Variants in LAMA3 observed in about 807,000 individuals in gnomAD.
LAMA3 encodes laminin subunit alpha 3.
A neutral mutation model predicts 402.0 loss-of-function variants in LAMA3; 281 were observed. The ratio of observed to expected loss-of-function variants is 0.70; its 90% CI spans 0.63 to 0.77. The LOEUF (loss-of-function observed/expected upper bound fraction) is 0.77. Among genes scored for constraint, LAMA3 ranks in the 30% least tolerant of loss-of-function variants. The pLI is 0.00. For missense variants in LAMA3, 3,840 were observed against 4,215.5 expected, an observed-to-expected ratio of 0.91 and a Z score of 2.47; for synonymous variants, 1,431 against 1,558.4, an observed-to-expected ratio of 0.92 and a Z score of 1.93.
At position 23,907,913 on chromosome 18, in the gene LAMA3, T is replaced by G. The variant is rs1367636387; in HGVS notation, c.6993T>G (p.Ala2331=). The stretch of plus-strand genomic sequence containing the variant: ...CACAGAACGAAGACTTCAAAAAGGC[T>G]CTGACTGATGCAGATAACTCGGGTA... The part of the protein sequence containing the change: ...GRTQNEDFKK[A]LTDADNSVNK... The change falls in exon 54 of 75, where the codon GCT becomes GCG. Residue 2331 remains alanine (A), a synonymous_variant. Transcript: ENST00000313654. The G allele has an allele frequency of 5.6e-6, 9 of 1,613,816 alleles. No homozygotes were observed. The highest frequency in any genetic ancestry group is 7.6e-6 in the Non-Finnish European group (9 of 1,180,022).
chr18:23,860,247 G>T, intron 34 of LAMA3, among the ~76,000 whole-genome samples: 2 of 144,638 alleles, frequency 1.4e-5, no homozygotes, highest in African/African-American at 2.6e-5. Flanking sequence ...CTTTTCTTTG[G>T]TCACTTTTCT....
At chr18:23,707,171 G>A (rs771649729) in intron 1 of LAMA3, among the ~76,000 whole-genome samples, 2 of 152,232 alleles carry the variant, frequency 1.3e-5, no homozygotes, top group Non-Finnish European at 2.9e-5. Context: ...TGGGTTGTCA[G>A]TTGGGGTAAC....
chr18:23,730,323 T>A (rs898966594), intron 2 of LAMA3, among the ~76,000 whole-genome samples: 1 of 152,004 alleles, frequency 6.6e-6, no homozygotes, highest in African/African-American at 2.4e-5. Context: ...TCCATCCTTA[T>A]ACACTGCCCT....
At chr18:23,951,001 C>T (rs1314857706) in intron 72 of LAMA3, among the ~76,000 whole-genome samples, 1 of 152,178 alleles carries the variant, frequency 6.6e-6, no homozygotes, top group East Asian at 1.9e-4. Context: ...CATTGTTTAG[C>T]TCAAAAATTG....
intron 32 of LAMA3, among the ~76,000 whole-genome samples, chr18:23,851,284 T>C (rs908954469): frequency 1.3e-5 from 2 of 152,216 alleles, no homozygotes; most frequent in African/African-American, 4.8e-5. Context: ...ACCTCTGTCG[T>C]CCTTCGTCTC....
intron 2 of LAMA3, among the ~76,000 whole-genome samples, chr18:23,732,252 G>T (rs1241437356): frequency 6.6e-6 from 1 of 152,158 alleles, no homozygotes; most frequent in Non-Finnish European, 1.5e-5. Context: ...GGGAAGAGAG[G>T]AGCTGAGGCA....
At chr18:23,780,468 C>G (rs2062414687) in intron 11 of LAMA3, among the ~76,000 whole-genome samples, 1 of 151,906 alleles carries the variant, frequency 6.6e-6, no homozygotes. Flanking sequence ...GGCAGAGGGG[C>G]AGGGAAGAGA....
chr18:23,701,300 T>A (rs895831550), intron 1 of LAMA3, among the ~76,000 whole-genome samples: 2 of 152,128 alleles, frequency 1.3e-5, no homozygotes, highest in South Asian at 4.1e-4. Flanking sequence ...AAGAGCTGAG[T>A]TGGGCATGAG....
intron 1 of LAMA3, chr18:23,709,978 TG>T: frequency 1.4e-6 from 1 of 739,762 alleles, no homozygotes. Context: ...TGGTGTTTGT[TG>T]GCTTTAACAT....
At chr18:23,887,583 A>G (rs2080481181) in intron 41 of LAMA3, among the ~76,000 whole-genome samples, 1 of 152,232 alleles carries the variant, frequency 6.6e-6, no homozygotes, top group Non-Finnish European at 1.5e-5. Context: ...ATGCCATTTT[A>G]TGTCAACATT....
rs1053252932 is a variant in LAMA3, at chr18:23,838,947, C to T, written c.3191+69C>T. ...TACTGGGATGAGTGTAAGGCTGAAA[C>T]TTTATACTCAACGTCAGAAATGATC... is the stretch of plus-strand genomic sequence containing the variant. On this transcript the variant is annotated intron_variant, in intron 26 of 74. Coordinates refer to ENST00000313654, the MANE Select transcript of LAMA3 (RefSeq NM_198129.4). 8 of 932,162 alleles carry T rather than the reference C, an allele frequency of 8.6e-6. 1 individual carries two copies. Among genetic ancestry groups the T allele is most frequent in the Middle Eastern group, 4.2e-4 (2 of 4,756 alleles). The allele number at this position is 932,162 out of a possible 1,614,324, so 57.7% of individuals were successfully genotyped here.
At chr18:23,889,093 C>T (rs1332329095) in intron 41 of LAMA3, among the ~76,000 whole-genome samples, 1 of 152,110 alleles carries the variant, frequency 6.6e-6, no homozygotes, top group Non-Finnish European at 1.5e-5. Flanking sequence ...TCATTATATA[C>T]AGCACGGCAG....
chr18:23,866,362 C>T (rs1367639969), intron 36 of LAMA3, among the ~76,000 whole-genome samples: 2 of 152,160 alleles, frequency 1.3e-5, no homozygotes, highest in Non-Finnish European at 2.9e-5. Context: ...TATACAGGGA[C>T]CAGCAAGTCA....
At chr18:23,834,364 T>A (rs1359819826) in intron 24 of LAMA3, 1 of 283,622 alleles carries the variant, frequency 3.5e-6, no homozygotes, top group South Asian at 3.8e-5. Flanking sequence ...AAAAGACTCA[T>A]TCTCAGTAAT....
chr18:23,873,295 T>A, intron 38 of LAMA3: 2 of 1,262,718 alleles, frequency 1.6e-6, no homozygotes, highest in Non-Finnish European at 2.3e-6. Flanking sequence ...TTACGGTGAT[T>A]AATGAGTAAA....
chr18:23,896,893 C>T (rs760346915), intron 44 of LAMA3, among the ~76,000 whole-genome samples: 3 of 151,948 alleles, frequency 2.0e-5, no homozygotes, highest in Non-Finnish European at 4.4e-5. Flanking sequence ...GCCCAGAGAG[C>T]ACAAAGAAAG....
intron 9 of LAMA3, among the ~76,000 whole-genome samples, chr18:23,774,263 A>T (rs952645509): frequency 4.9e-4 from 75 of 152,242 alleles, no homozygotes; most frequent in Non-Finnish European, 1.0e-3. Flanking sequence ...AAGACAACAC[A>T]GTAATGAGTT....
Position 23,842,373 on chromosome 18 carries a change from TC to T in LAMA3, c.3337-20del, listed in dbSNP as rs2063720498. 3.7e-6 allele frequency: 6 copies of T among 1,613,998 alleles called. No homozygotes were observed. In the South Asian group the frequency reaches 5.5e-5, roughly 15 times the overall value. On this transcript the variant is annotated intron_variant, in intron 27 of 74. Transcript: ENST00000313654. ...CAGCTTGAGGGTTTTTAATTTTTTT[TC>T]CTCCTCTTTTTTCCTCTTAGAATCA...
In LAMA3 at chr18:23,846,408, C is replaced by T. The variant is rs768373305; in HGVS notation, c.3831C>T (p.His1277=). The T allele has an allele frequency of 1.7e-5, 27 of 1,614,082 alleles. No individual in the cohort carries two copies. The Middle Eastern group carries it at 4.9e-4, about 30-fold the overall frequency. The change falls in exon 31 of 75, where the codon CAC becomes CAT. Residue 1277 remains histidine (H), a synonymous_variant. Transcript: ENST00000313654. ...ECHPTGATGP[H]CSPEGGQCPC... ...ACCCCACTGGGGCCACCGGCCCTCACTGCAGCCCTGAGGGTGGGCAGTGCC... is the reference window on the plus strand; with the variant it reads ...ACCCCACTGGGGCCACCGGCCCTCATTGCAGCCCTGAGGGTGGGCAGTGCC...
Sources: allele counts gnomAD v4.1 joint callset (sites outside exome capture counted in the v4.1 genomes callset), GRCh38; gene constraint gnomAD v4.1.1; transcripts MANE v1.5; gene names NCBI Gene and HGNC (gene_info 2026-07-23, HGNC 2026-07-21).